Variants in SLC45A4 observed in about 807,000 individuals in gnomAD.
SLC45A4 encodes the protein polyamine-transporter SLC45A4.
SLC45A4 carries 32 observed loss-of-function variants against 63.7 expected under a neutral mutation model. The ratio of observed to expected loss-of-function variants is 0.50; its 90% CI spans 0.38 to 0.67. The LOEUF (loss-of-function observed/expected upper bound fraction) is 0.67. Among genes scored for constraint, SLC45A4 ranks in the 30% least tolerant of loss-of-function variants. The probability of loss-of-function intolerance (pLI) is 0.00; values close to 1 mark genes in which losing one functional copy is unlikely to be tolerated. For synonymous variants in SLC45A4, 535 were observed against 510.0 expected (o/e 1.05, Z -0.66); for missense variants, 1,027 against 1,157.7 (o/e 0.89, Z 1.64).
intron 5 of SLC45A4, 106 bp from the exon 6 acceptor site, chr8:141,217,295 G>A (rs891998913): frequency 1.7e-5 from 21 of 1,205,896 alleles, no homozygotes; most frequent in South Asian, 4.2e-5. Context: ...TTCTAAGAGC[G>A]GTGACAGGAA....
rs1829801875 is a variant in SLC45A4, at chr8:141,278,200, C to A, written c.-400-23571G>T. The A allele has an allele frequency of 6.6e-6, 1 of 152,582 alleles. No individual in the cohort carries two copies. The highest frequency in any genetic ancestry group is 1.5e-5 in the Non-Finnish European group (1 of 68,278). The allele number at this position is 152,582 out of a possible 1,614,324, so 9.5% of individuals were successfully genotyped here. On this transcript the variant is annotated intron_variant, in intron 1 of 8. Transcript: ENST00000517878. The surrounding 1 kb of genome is among the most constrained non-coding windows in gnomAD (Gnocchi z 4.1). ...CTCTGACAGCCCCAGCACCAGGCAGCTGAGCTGAGCTCCTGCAGCACATAG... is the reference window on the plus strand; with the variant it reads ...CTCTGACAGCCCCAGCACCAGGCAGATGAGCTGAGCTCCTGCAGCACATAG...
Position 141,218,773 on chromosome 8 carries a change from C to T in SLC45A4, c.867G>A (p.Ser289=), listed in dbSNP as rs763362460. Residue 289 remains serine, a synonymous_variant, in exon 5 of 9, where the codon TCG becomes TCA. Transcript: ENST00000517878. ...GVPAFPDEVQ[S]EHELALDYPD... ...GGTAGTCCAGGGCCAGCTCGTGCTC[C>T]GACTGTACCTCGTCTGGGAAGGCAG... 24 of 1,613,242 alleles carry T rather than the reference C, an allele frequency of 1.5e-5. No homozygotes were observed. The East Asian group carries it at 1.8e-4, about 12-fold the overall frequency.
intron 1 of SLC45A4, among the ~76,000 whole-genome samples, chr8:141,295,788 A>G (rs942151347): frequency 2.6e-5 from 4 of 152,180 alleles, no homozygotes; most frequent in Non-Finnish European, 5.9e-5. Context: ...ATGAGAAAAA[A>G]CAACTTCTCA....
At chr8:141,240,959 G>A (rs985981530) in intron 2 of SLC45A4, among the ~76,000 whole-genome samples, 1 of 152,238 alleles carries the variant, frequency 6.6e-6, no homozygotes, top group Non-Finnish European at 1.5e-5. Context: ...TCCATGGGAG[G>A]GGGAGTATCT....
intron 1 of SLC45A4, among the ~76,000 whole-genome samples, chr8:141,258,241 G>C (rs189852146): frequency 2.6e-5 from 4 of 152,042 alleles, no homozygotes; most frequent in Non-Finnish European, 5.9e-5. Flanking sequence ...GAAAGAAGGC[G>C]ACGGTGGAGC....
At chr8:141,238,836 A>G (rs1355331911) in intron 2 of SLC45A4, among the ~76,000 whole-genome samples, 1 of 152,212 alleles carries the variant, frequency 6.6e-6, no homozygotes, top group African/African-American at 2.4e-5. Flanking sequence ...GGGGCAGAGC[A>G]GGCTGCCCCG....
Position 141,211,573 on chromosome 8 carries a change from T to G in SLC45A4, c.2426A>C (p.Ter809SerextTer66). The change falls in exon 9 of 9, where the codon TAG becomes TCG. Residue 809 changes from the stop codon to serine, a stop_lost. Coordinates refer to ENST00000517878, the MANE Select transcript of SLC45A4 (RefSeq NM_001286646.2). ...AGGAAAAGAAGATACGTCATTCTTC[T>G]AAGAGAACCACATTGTGGAAAAGAA... ...KIFFSTMWFS[*>S] 1 of 1,613,316 alleles carries G rather than the reference T, an allele frequency of 6.2e-7. No individual in the cohort carries two copies. The highest frequency in any genetic ancestry group is 8.5e-7 in the Non-Finnish European group (1 of 1,179,962).
intron 8 of SLC45A4, 54 bp downstream of exon 8, chr8:141,212,143 C>CCTGG: frequency 9.4e-7 from 1 of 1,068,238 alleles, no homozygotes; most frequent in Non-Finnish European, 1.1e-6. Flanking sequence ...CCGCCGCCCG[C>CCTGG]CCGCCCGCCC....
In SLC45A4 at chr8:141,208,999, G is replaced by A. The variant is rs1825667921; in HGVS notation, c.*2573C>T. 1 of 152,652 alleles carries A rather than the reference G, an allele frequency of 6.6e-6. No individual in the cohort carries two copies. The highest frequency in any genetic ancestry group is 6.5e-5 in the Admixed American group (1 of 15,290). The allele number at this position is 152,652 out of a possible 1,614,324, so 9.5% of individuals were successfully genotyped here. A position where few individuals can be genotyped will look rare whatever the true frequency, so the allele number is the denominator to read the frequency against. On this transcript the variant is annotated 3_prime_UTR_variant, in exon 9 of 9. Coordinates refer to ENST00000517878, the MANE Select transcript of SLC45A4 (RefSeq NM_001286646.2). Reference sequence around the variant, plus strand: ...TCCACTCAGTGTGCAGAGGCACCCAGGCCACCAGCCTGCACAGCCCACACC... The same window carrying A: ...TCCACTCAGTGTGCAGAGGCACCCAAGCCACCAGCCTGCACAGCCCACACC...
chr8:141,251,023 G>A (rs565038570), intron 2 of SLC45A4, among the ~76,000 whole-genome samples: 1 of 152,292 alleles, frequency 6.6e-6, no homozygotes, highest in East Asian at 1.9e-4. Context: ...GGGAAAAGCA[G>A]TTCCTAATGA....
chr8:141,211,373 C>G lies in SLC45A4; in HGVS notation c.*199G>C. 6.7e-7 allele frequency: 1 copy of G among 1,486,950 alleles called. No homozygotes were observed. The highest frequency in any genetic ancestry group is 9.0e-7 in the Non-Finnish European group (1 of 1,115,112). The allele number at this position is 1,486,950 out of a possible 1,614,324, so 92.1% of individuals were successfully genotyped here. A position where few individuals can be genotyped will look rare whatever the true frequency, so the allele number is the denominator to read the frequency against. The stretch of plus-strand genomic sequence containing the variant: ...CGCGCACGCAGGAGCTCGTCTGGAG[C>G]TCACGCTCCGCCCCCAGGTGGTGCC... On this transcript the variant is annotated 3_prime_UTR_variant, in exon 9 of 9. Transcript: ENST00000517878.
chr8:141,273,814 T>G, intron 1 of SLC45A4, among the ~76,000 whole-genome samples: 1 of 152,212 alleles, frequency 6.6e-6, no homozygotes, highest in East Asian at 1.9e-4. Context: ...AATGGCTAAC[T>G]GTCCAATGAT....
intron 1 of SLC45A4, chr8:141,292,559 G>C (rs1830390390): frequency 6.6e-6 from 1 of 152,410 alleles, no homozygotes; most frequent in Admixed American, 6.5e-5. Flanking sequence ...TCCAGTAACA[G>C]CTCCCTCCGT....
intron 2 of SLC45A4, among the ~76,000 whole-genome samples, chr8:141,232,489 ATGC>A (rs951243048): frequency 1.3e-5 from 2 of 152,246 alleles, no homozygotes; most frequent in Admixed American, 6.5e-5. Flanking sequence ...AAGACAGGGA[ATGC>A]TGCTGCTGCA....
At position 141,261,978 on chromosome 8, in the gene SLC45A4, T is replaced by C. The variant is rs536230852; in HGVS notation, c.-400-7349A>G. 2.4e-4 allele frequency among the ~76,000 whole-genome samples: 37 copies of C among 152,294 alleles called. No homozygotes were observed. The South Asian group carries it at 7.2e-3, about 30-fold the overall frequency. On this transcript the variant is annotated intron_variant, in intron 1 of 8. Coordinates refer to ENST00000517878, the MANE Select transcript of SLC45A4 (RefSeq NM_001286646.2). ...CTGACTTCAAACTATACTACAAGGC[T>C]ACAGTAACCAAAACAGCATGGTACT...
Position 141,212,235 on chromosome 8 carries a change from TC to T in SLC45A4, c.2262del (p.Lys755ArgfsTer13), listed in dbSNP as rs767951541. 6 of 1,508,158 alleles carry T rather than the reference TC, an allele frequency of 4.0e-6. No individual in the cohort carries two copies. Among genetic ancestry groups the T allele is most frequent in the Non-Finnish European group, 5.4e-6 (6 of 1,119,020 alleles). The allele number at this position is 1,508,158 out of a possible 1,614,324, so 93.4% of individuals were successfully genotyped here. On this transcript the variant is annotated frameshift_variant, in exon 8 of 9. Coordinates refer to ENST00000517878, the MANE Select transcript of SLC45A4 (RefSeq NM_001286646.2). LOFTEE classifies it low-confidence loss of function (END_TRUNC). ...TCCACCGGTCCCTGCAGGCCCTCCTTCCGCGTGAGCTTCAGCACGGTGGGCT... is the reference window on the plus strand; with the variant it reads ...TCCACCGGTCCCTGCAGGCCCTCCTTCGCGTGAGCTTCAGCACGGTGGGCT... ...SEKPTVLKLTRKEGLQGPVET... is the reference protein window; with the variant it reads ...SEKPTVLKLTXKEGLQGPVET...
At chr8:141,291,973 C>A (rs535384599) in intron 1 of SLC45A4, among the ~76,000 whole-genome samples, 45 of 152,380 alleles carry the variant, frequency 3.0e-4, no homozygotes, top group African/African-American at 1.0e-3. Context: ...TGGGACACTA[C>A]CGCTCAACCC....
At chr8:141,253,502 T>C (rs1828621346) in intron 2 of SLC45A4, among the ~76,000 whole-genome samples, 1 of 152,246 alleles carries the variant, frequency 6.6e-6, no homozygotes, top group Non-Finnish European at 1.5e-5. Flanking sequence ...AGCCAGGCAC[T>C]GTTCTAAGCA....
intron 1 of SLC45A4, among the ~76,000 whole-genome samples, chr8:141,266,762 G>C (rs182826175): frequency 1.3e-5 from 2 of 152,342 alleles, no homozygotes; most frequent in Admixed American, 1.3e-4. Context: ...CATGTATTCA[G>C]TGCATGCCTG....
Sources: gnomAD v4.1 joint callset for allele counts (sites outside exome capture counted in the v4.1 genomes callset) on GRCh38, gnomAD v4.1.1 for gene constraint, Gnocchi (gnomAD v3.1) non-coding constraint, MANE v1.5 for transcripts, NCBI Gene and HGNC (gene_info 2026-07-23, HGNC 2026-07-21) for gene names.